Variants in ARHGAP17 observed in about 807,000 individuals in gnomAD.
ARHGAP17 encodes rho GTPase-activating protein 17.
Under a neutral mutation model 99.5 loss-of-function variants are expected in ARHGAP17, and 57 were observed. That is an observed-to-expected ratio of 0.57 (90% CI 0.46 to 0.71). The LOEUF (loss-of-function observed/expected upper bound fraction) is 0.71. Among genes scored for constraint, ARHGAP17 ranks in the 30% least tolerant of loss-of-function variants. The pLI is 0.00. For missense variants in ARHGAP17, 1,000 were observed against 1,122.4 expected (o/e 0.89, Z 1.56); for synonymous variants, 417 against 429.6 (o/e 0.97, Z 0.36).
chr16:24,967,984 C>G (rs1345427543), intron 6 of ARHGAP17, among the ~76,000 whole-genome samples: 1 of 152,106 alleles, frequency 6.6e-6, no homozygotes, highest in Non-Finnish European at 1.5e-5. Context: ...GAAGGTATTA[C>G]AAGTACACAG....
intron 18 of ARHGAP17, among the ~76,000 whole-genome samples, chr16:24,934,422 C>G (rs186172262): frequency 7.9e-5 from 12 of 152,240 alleles, no homozygotes; most frequent in African/African-American, 2.9e-4. Context: ...TCCCAAAGTG[C>G]TGGGATTACT....
In ARHGAP17 at chr16:24,935,620, G is replaced by T. The variant is rs1345632972; in HGVS notation, c.1744C>A (p.Pro582Thr). Residue 582 changes from proline to threonine, a missense_variant, in exon 18 of 20, where the codon CCT (proline) becomes ACT (threonine). Transcript: ENST00000289968. Reference protein sequence around the residue: ...GDGSPPKPKDPVSAAVPAPGR... With the variant: ...GDGSPPKPKDTVSAAVPAPGR... ...GGTGCTGGCACAGCTGCAGATACAG[G>T]GTCCTTCGGTTTGGGAGGACTAAGA... 6.2e-7 allele frequency: 1 copy of T among 1,613,900 alleles called. No individual in the cohort carries two copies. Among genetic ancestry groups the T allele is most frequent in the Admixed American group, 1.7e-5 (1 of 59,996 alleles).
intron 7 of ARHGAP17, among the ~76,000 whole-genome samples, chr16:24,961,871 A>G (rs987567987): frequency 1.4e-5 from 2 of 147,536 alleles, no homozygotes; most frequent in Non-Finnish European, 3.0e-5. Context: ...GCAATTAGGT[A>G]CGTATTTCCA....
chr16:24,969,287 T>C (rs2052289171), intron 4 of ARHGAP17, among the ~76,000 whole-genome samples: 1 of 150,670 alleles, frequency 6.6e-6, no homozygotes. Context: ...TGCAGTGATA[T>C]AACTCCACAG....
At chr16:24,958,415 T>G (rs1889049406) in intron 9 of ARHGAP17, among the ~76,000 whole-genome samples, 1 of 152,202 alleles carries the variant, frequency 6.6e-6, no homozygotes, top group African/African-American at 2.4e-5. Context: ...ATTTTCTTGG[T>G]CCTCTGAACT....
At position 24,937,147 on chromosome 16, in the gene ARHGAP17, G is replaced by A. The variant is rs143040280; in HGVS notation, c.1725-1508C>T. ...AAAAAAACAACAAAAAACAGGCCGGGGCAGTAGCTCACGCCTGTAATCCCA... is the reference window on the plus strand; with the variant it reads ...AAAAAAACAACAAAAAACAGGCCGGAGCAGTAGCTCACGCCTGTAATCCCA... On this transcript the variant is annotated intron_variant, in intron 17 of 19. Transcript: ENST00000289968. Among the ~76,000 whole-genome samples, 6 of 150,694 alleles carry A rather than the reference G, an allele frequency of 4.0e-5. No individual in the cohort carries two copies. In the East Asian group the frequency reaches 9.8e-4, roughly 25 times the overall value.
intron 12 of ARHGAP17, among the ~76,000 whole-genome samples, chr16:24,950,836 C>CAAAAA (rs1177614713): frequency 0.015 from 574 of 39,316 alleles, 34 homozygotes; most frequent in African/African-American, 0.056. Flanking sequence ...GACTCCAACT[C>CAAAAA]AAAAAAAAAA....
intron 6 of ARHGAP17, among the ~76,000 whole-genome samples, chr16:24,967,766 A>G (rs2052230978): frequency 6.6e-6 from 1 of 150,434 alleles, no homozygotes; most frequent in South Asian, 2.1e-4. Context: ...ACAGCAGAGC[A>G]AGACCTTGAC....
intron 9 of ARHGAP17, among the ~76,000 whole-genome samples, chr16:24,957,946 T>C (rs2051860620): frequency 6.6e-6 from 1 of 152,022 alleles, no homozygotes; most frequent in African/African-American, 2.4e-5. Flanking sequence ...AGATAAGTCT[T>C]TCTGAAAACA....
intron 16 of ARHGAP17, among the ~76,000 whole-genome samples, chr16:24,940,209 T>C (rs867533296): frequency 6.6e-6 from 1 of 152,122 alleles, no homozygotes; most frequent in African/African-American, 2.4e-5. Context: ...CAGGCATAAG[T>C]CACCACATCC....
intron 7 of ARHGAP17, 57 bp downstream of exon 7, chr16:24,964,140 C>G: frequency 6.9e-4 from 754 of 1,090,296 alleles, no homozygotes; most frequent in Non-Finnish European, 9.0e-4. Flanking sequence ...TACATTTGAA[C>G]TTTCATCCCT....
chr16:24,991,809 G>T (rs576894326), intron 1 of ARHGAP17, among the ~76,000 whole-genome samples: 2 of 152,286 alleles, frequency 1.3e-5, no homozygotes, highest in African/African-American at 4.8e-5. Context: ...AAGAGCCTCA[G>T]ATTTTAGATA....
intron 10 of ARHGAP17, 129 bp downstream of exon 10, chr16:24,954,473 GT>G (rs2051743744): frequency 7.5e-7 from 1 of 1,332,046 alleles, no homozygotes; most frequent in Non-Finnish European, 1.0e-6. Context: ...GAAAGCCACT[GT>G]TCTACACAAA....
chr16:24,984,485 T>A (rs2052797184), intron 1 of ARHGAP17, among the ~76,000 whole-genome samples: 3 of 151,700 alleles, frequency 2.0e-5, no homozygotes, highest in African/African-American at 7.3e-5. Flanking sequence ...AAACCCCGTC[T>A]CTACTAAAAA....
At chr16:24,930,685 T>C in intron 19 of ARHGAP17, 99 bp downstream of exon 19, 1 of 1,607,544 alleles carries the variant, frequency 6.2e-7, no homozygotes, top group Non-Finnish European at 8.5e-7. Flanking sequence ...CGGGTGTAGT[T>C]TGCTGACACC....
chr16:24,936,004 C>T lies in ARHGAP17; in HGVS notation c.1725-365G>A, dbSNP rs561237567. 1.3e-3 allele frequency: 434 copies of T among 337,874 alleles called. 1 individual carries two copies. Among genetic ancestry groups the T allele is most frequent in the Non-Finnish European group, 1.9e-3 (339 of 174,320 alleles). The allele number at this position is 337,874 out of a possible 1,614,324, so 20.9% of individuals were successfully genotyped here. A position where few individuals can be genotyped will look rare whatever the true frequency, so the allele number is the denominator to read the frequency against. ...ATCAGACTGGACTCCAACGACTCTGCCACTCCAGTATCATCAGAGAGACCA... is the reference window on the plus strand; with the variant it reads ...ATCAGACTGGACTCCAACGACTCTGTCACTCCAGTATCATCAGAGAGACCA... On this transcript the variant is annotated intron_variant, in intron 17 of 19. Transcript: ENST00000289968.
chr16:24,946,493 T>C (rs1374781398), intron 14 of ARHGAP17, among the ~76,000 whole-genome samples: 1 of 150,784 alleles, frequency 6.6e-6, no homozygotes, highest in Non-Finnish European at 1.5e-5. Flanking sequence ...TTTCTTTACC[T>C]CTGCTGCCGT....
In ARHGAP17 at chr16:24,929,281, T is replaced by G. The variant is rs1034383231; in HGVS notation, c.2515+1503A>C. The stretch of plus-strand genomic sequence containing the variant: ...CCTGAGCTCAAGCAATCCTCTTGCC[T>G]CAGCCACTCAAAGTACTGGGATTAG... On this transcript the variant is annotated intron_variant, in intron 19 of 19. Transcript: ENST00000289968. Among the ~76,000 whole-genome samples, 6 of 151,720 alleles carry G rather than the reference T, an allele frequency of 4.0e-5. No individual in the cohort carries two copies. The South Asian group carries it at 8.3e-4, about 21-fold the overall frequency.
intron 6 of ARHGAP17, among the ~76,000 whole-genome samples, chr16:24,967,052 A>T (rs1053931572): frequency 6.6e-6 from 1 of 152,234 alleles, no homozygotes; most frequent in Non-Finnish European, 1.5e-5. Flanking sequence ...CAGATGAACA[A>T]ATGAACAGGG....
Sources: allele counts gnomAD v4.1 joint callset (sites outside exome capture counted in the v4.1 genomes callset), GRCh38; gene constraint gnomAD v4.1.1; transcripts MANE v1.5; gene names NCBI Gene and HGNC (gene_info 2026-07-23, HGNC 2026-07-21).